The following MACROD2 variants were observed in gnomAD, a reference collection of about 807,000 sequenced individuals.
MACROD2 encodes the protein ADP-ribose glycohydrolase MACROD2.
A neutral mutation model predicts 70.4 loss-of-function variants in MACROD2; 36 were observed. The ratio of observed to expected loss-of-function variants is 0.51; its 90% confidence interval spans 0.39 to 0.68. The LOEUF (loss-of-function observed/expected upper bound fraction) is 0.68, where lower values mean the gene tolerates loss of function less well. Ranked by LOEUF, MACROD2 falls within the 30% of genes least tolerant of loss-of-function variation. MACROD2 has a pLI of 0.00. For synonymous variants in MACROD2, 172 were observed against 178.8 expected (o/e 0.96, Z 0.30); for missense variants, 496 against 538.4 (o/e 0.92, Z 0.78).
chr20:15,507,989 C>T (rs2047450180), intron 8 of MACROD2, among the ~76,000 whole-genome samples: 1 of 152,140 alleles, frequency 6.6e-6, no homozygotes, highest in South Asian at 2.1e-4. Flanking sequence ...CTGAGCTTGC[C>T]CAAATGCCCT....
chr20:14,996,606 G>T (rs1278908232), intron 5 of MACROD2, among the ~76,000 whole-genome samples: 7 of 152,262 alleles, frequency 4.6e-5, no homozygotes, highest in Non-Finnish European at 1.0e-4. Flanking sequence ...CACTGAAAAG[G>T]GTAGGAAAGA....
intron 5 of MACROD2, among the ~76,000 whole-genome samples, chr20:15,086,059 TG>T (rs935978433): frequency 5.3e-5 from 8 of 151,956 alleles, no homozygotes; most frequent in African/African-American, 1.9e-4. Context: ...TCTGGTGAGG[TG>T]GGGTTGAGGG....
chr20:15,163,666 T>A (rs947730833), intron 5 of MACROD2, among the ~76,000 whole-genome samples: 2 of 152,122 alleles, frequency 1.3e-5, no homozygotes, highest in East Asian at 3.8e-4. Flanking sequence ...CATGTCCTGT[T>A]TGAGTATGAC....
intron 6 of MACROD2, among the ~76,000 whole-genome samples, chr20:15,337,008 C>A (rs990446542): frequency 6.6e-6 from 1 of 151,658 alleles, no homozygotes; most frequent in Non-Finnish European, 1.5e-5. Context: ...TTGACATAGT[C>A]TTCTCACTTT....
chr20:15,094,276 T>A (rs2075813000), intron 5 of MACROD2, among the ~76,000 whole-genome samples: 1 of 152,174 alleles, frequency 6.6e-6, no homozygotes, highest in South Asian at 2.1e-4. Context: ...TCACTTTGCA[T>A]AATTTGTAAT....
At chr20:15,789,941 A>T (rs965457344) in intron 8 of MACROD2, among the ~76,000 whole-genome samples, 1 of 152,058 alleles carries the variant, frequency 6.6e-6, no homozygotes, top group African/African-American at 2.4e-5. Context: ...AATTATATAG[A>T]AAATTATTAA....
intron 8 of MACROD2, among the ~76,000 whole-genome samples, chr20:15,530,309 T>G (rs1414692171): frequency 3.3e-5 from 5 of 152,202 alleles, no homozygotes; most frequent in Non-Finnish European, 7.3e-5. Flanking sequence ...ATTCTTATAC[T>G]AAGGTACTGT....
chr20:14,394,692 G>A (rs2083563343), intron 3 of MACROD2, among the ~76,000 whole-genome samples: 1 of 152,154 alleles, frequency 6.6e-6, no homozygotes, highest in African/African-American at 2.4e-5. Context: ...TAAAGCTTTC[G>A]GTCTTTCCCC....
intron 3 of MACROD2, among the ~76,000 whole-genome samples, chr20:14,468,643 C>G (rs2084488702): frequency 6.6e-6 from 1 of 151,982 alleles, no homozygotes; most frequent in Admixed American, 6.5e-5. Flanking sequence ...TCCTGAGTAG[C>G]TGAGATTACA....
At chr20:15,382,347 C>G (rs981581304) in intron 6 of MACROD2, among the ~76,000 whole-genome samples, 4 of 151,986 alleles carry the variant, frequency 2.6e-5, no homozygotes, top group African/African-American at 9.7e-5. Context: ...CAGCTCCCAT[C>G]CAATAAACTG....
At chr20:14,554,356 C>G (rs1326823100) in intron 4 of MACROD2, 1 of 152,196 alleles carries the variant, frequency 6.6e-6, no homozygotes, top group African/African-American at 2.4e-5. Context: ...TGCTGTGCTG[C>G]TGTCGCCACT....
chr20:14,530,398 G>T (rs908338644), intron 4 of MACROD2, among the ~76,000 whole-genome samples: 1 of 152,168 alleles, frequency 6.6e-6, no homozygotes, highest in Admixed American at 6.5e-5. Flanking sequence ...GATTTGTTTC[G>T]TCAAGAAGGG....
At chr20:14,049,174 T>TTAAAAAA (rs2053522313) in intron 2 of MACROD2, among the ~76,000 whole-genome samples, 1 of 69,772 alleles carries the variant, frequency 1.4e-5, no homozygotes, top group Non-Finnish European at 3.3e-5. Flanking sequence ...ATATATTTAA[T>TTAAAAAA]AAAAAAAAAA....
chr20:15,456,498 C>T (rs1383576362), intron 7 of MACROD2, among the ~76,000 whole-genome samples: 1 of 152,168 alleles, frequency 6.6e-6, no homozygotes, highest in Non-Finnish European at 1.5e-5. Context: ...CGTGCACCTG[C>T]ACACAAGCTC....
At chr20:14,350,530 A>G (rs1040472297) in intron 3 of MACROD2, among the ~76,000 whole-genome samples, 1 of 152,092 alleles carries the variant, frequency 6.6e-6, no homozygotes, top group African/African-American at 2.4e-5. Context: ...ACTTTTTCCT[A>G]TGCCTGTTTG....
intron 4 of MACROD2, among the ~76,000 whole-genome samples, chr20:14,604,534 C>T (rs559679718): frequency 2.6e-5 from 4 of 152,164 alleles, no homozygotes; most frequent in East Asian, 1.9e-4. Context: ...TTTAGAAGGG[C>T]TTTCTGCATA....
At chr20:16,029,109 G>C (rs2067119355) in intron 15 of MACROD2, among the ~76,000 whole-genome samples, 1 of 152,162 alleles carries the variant, frequency 6.6e-6, no homozygotes, top group African/African-American at 2.4e-5. Context: ...GCAGAGCAGA[G>C]AGAGATTTCT....
chr20:14,253,653 A>G (rs1158689200), intron 3 of MACROD2, among the ~76,000 whole-genome samples: 1 of 152,106 alleles, frequency 6.6e-6, no homozygotes. Context: ...ATCAAGTACA[A>G]TGCTTTTGAT....
intron 5 of MACROD2, among the ~76,000 whole-genome samples, chr20:15,039,800 G>T (rs1162652094): frequency 6.6e-6 from 1 of 152,120 alleles, no homozygotes; most frequent in Non-Finnish European, 1.5e-5. Flanking sequence ...TCCTACACCA[G>T]GGTTTACTTT....
Sources: gnomAD v4.1 joint callset for allele counts (sites outside exome capture counted in the v4.1 genomes callset) on GRCh38, gnomAD v4.1.1 for gene constraint, MANE v1.5 for transcripts, NCBI Gene and HGNC (gene_info 2026-07-23, HGNC 2026-07-21) for gene names.